Variants in DISC1 observed in about 807,000 individuals in gnomAD.
The protein encoded by DISC1 is disrupted in schizophrenia 1 protein.
Under a neutral mutation model 84.5 loss-of-function variants are expected in DISC1, and 57 were observed. The ratio of observed to expected loss-of-function variants is 0.67; its 90% CI spans 0.55 to 0.84. DISC1 has a LOEUF of 0.84. Among genes scored for constraint, DISC1 ranks in the 40% least tolerant of loss-of-function variants. DISC1 has a pLI of 0.00. For synonymous variants in DISC1, 411 were observed against 415.2 expected (o/e 0.99, Z 0.12); for missense variants, 1,000 against 1,057.8 (o/e 0.95, Z 0.76).
chr1:231,945,270 C>T (rs957274932), intron 9 of DISC1: 9 of 152,188 alleles, frequency 5.9e-5, no homozygotes, highest in Admixed American at 2.0e-4. Flanking sequence ...GTCTCTCAGA[C>T]CACAGTGCAA....
chr1:231,650,129 T>A (rs908894678), intron 1 of DISC1, among the ~76,000 whole-genome samples: 2 of 152,178 alleles, frequency 1.3e-5, no homozygotes, highest in African/African-American at 4.8e-5. Context: ...TTATTTTACC[T>A]GTTAGTTGAT....
chr1:231,775,221 C>T (rs2125487870), intron 6 of DISC1, among the ~76,000 whole-genome samples: 1 of 152,358 alleles, frequency 6.6e-6, no homozygotes, highest in South Asian at 2.1e-4. Context: ...AACTTTCTAA[C>T]ATGCAATTGC....
intron 9 of DISC1, among the ~76,000 whole-genome samples, chr1:231,936,492 A>G (rs950665619): frequency 6.6e-6 from 1 of 152,222 alleles, no homozygotes; most frequent in Non-Finnish European, 1.5e-5. Context: ...ACAGCATTGC[A>G]TTCTTCATTT....
chr1:231,871,522 GA>G (rs1386235863), intron 9 of DISC1, among the ~76,000 whole-genome samples: 1 of 152,220 alleles, frequency 6.6e-6, no homozygotes, highest in African/African-American at 2.4e-5. Flanking sequence ...AAGTGCAGTT[GA>G]ATTCAAACGA....
In DISC1 at chr1:231,881,411, G is replaced by A. The variant is rs527275797; in HGVS notation, c.1981+62894G>A. On this transcript the variant is annotated intron_variant, in intron 9 of 12. Transcript: ENST00000439617. ...TTGTAGGTGGCCGTCTTCTCCCTCT[G>A]TCTCTTCTCATGGTCTTCCCTCTGT... is the stretch of plus-strand genomic sequence containing the variant. Among the ~76,000 whole-genome samples the A allele has an allele frequency of 1.8e-4, 28 of 152,234 alleles. No individual in the cohort carries two copies. In the South Asian group the frequency reaches 5.6e-3, roughly 30 times the overall value.
At chr1:231,967,081 T>C (rs1196285915) in intron 10 of DISC1, among the ~76,000 whole-genome samples, 1 of 152,250 alleles carries the variant, frequency 6.6e-6, no homozygotes, top group Non-Finnish European at 1.5e-5. Flanking sequence ...TAAAAACTAA[T>C]GTTTACTTTT....
chr1:231,767,670 C>T (rs2076267348), intron 5 of DISC1, among the ~76,000 whole-genome samples: 1 of 152,160 alleles, frequency 6.6e-6, no homozygotes, highest in Non-Finnish European at 1.5e-5. Context: ...GCAATTAGAG[C>T]CTTGGCTGTC....
intron 9 of DISC1, among the ~76,000 whole-genome samples, chr1:231,935,432 G>T (rs1387433746): frequency 6.6e-6 from 1 of 152,186 alleles, no homozygotes; most frequent in Non-Finnish European, 1.5e-5. Context: ...TACACTGAAA[G>T]TTGGGAATGT....
intron 11 of DISC1, among the ~76,000 whole-genome samples, chr1:232,020,386 C>G (rs1271617855): frequency 6.6e-6 from 1 of 152,160 alleles, no homozygotes; most frequent in Non-Finnish European, 1.5e-5. Context: ...CTTCAAGCCT[C>G]TTTTCTTGTA....
chr1:231,717,750 C>T (rs1440842674), intron 3 of DISC1, among the ~76,000 whole-genome samples: 1 of 152,206 alleles, frequency 6.6e-6, no homozygotes, highest in African/African-American at 2.4e-5. Flanking sequence ...GACAATTCCA[C>T]AACCTCCTTA....
At chr1:231,928,687 G>A (rs2090487489) in intron 9 of DISC1, among the ~76,000 whole-genome samples, 1 of 152,064 alleles carries the variant, frequency 6.6e-6, no homozygotes, top group Non-Finnish European at 1.5e-5. Flanking sequence ...TTGTCCTGTG[G>A]GCATTTAGTG....
chr1:231,786,310 G>C (rs1031750052), intron 6 of DISC1, among the ~76,000 whole-genome samples: 2 of 152,258 alleles, frequency 1.3e-5, no homozygotes, highest in African/African-American at 4.8e-5. Flanking sequence ...TGGAGCCCCA[G>C]ATGAAAGTGA....
intron 10 of DISC1, chr1:231,959,115 G>T: frequency 8.1e-7 from 1 of 1,227,054 alleles, no homozygotes; most frequent in Non-Finnish European, 1.0e-6. Flanking sequence ...GTCTTGGAGA[G>T]ATCACAGGAG....
At chr1:231,756,432 T>G (rs1036606495) in intron 4 of DISC1, among the ~76,000 whole-genome samples, 1 of 152,194 alleles carries the variant, frequency 6.6e-6, no homozygotes, top group Non-Finnish European at 1.5e-5. Flanking sequence ...GCCCATAATC[T>G]GTATTCTATA....
chr1:231,980,723 T>C (rs776235899), intron 10 of DISC1, among the ~76,000 whole-genome samples: 5 of 152,140 alleles, frequency 3.3e-5, no homozygotes, highest in Non-Finnish European at 5.9e-5. Flanking sequence ...AACACTAATT[T>C]CTCTTTGCTC....
At chr1:231,901,631 T>C (rs1320854699) in intron 9 of DISC1, among the ~76,000 whole-genome samples, 1 of 152,204 alleles carries the variant, frequency 6.6e-6, no homozygotes, top group Non-Finnish European at 1.5e-5. Context: ...TGACAAATTG[T>C]GTGGTAGTTA....
At chr1:231,735,682 C>T (rs1264136462) in intron 3 of DISC1, among the ~76,000 whole-genome samples, 3 of 152,184 alleles carry the variant, frequency 2.0e-5, no homozygotes, top group South Asian at 2.1e-4. Context: ...ACCACTCTCT[C>T]GTGGGATCAT....
intron 9 of DISC1, among the ~76,000 whole-genome samples, chr1:231,896,633 A>T (rs189398420): frequency 3.3e-5 from 5 of 152,196 alleles, no homozygotes; most frequent in Admixed American, 3.3e-4. Context: ...TAGATGTTGT[A>T]TAAGTGGCTC....
intron 9 of DISC1, among the ~76,000 whole-genome samples, chr1:231,874,699 C>T (rs921751630): frequency 2.0e-5 from 3 of 151,712 alleles, no homozygotes; most frequent in African/African-American, 7.3e-5. Flanking sequence ...ATCACGAGGT[C>T]AGGAGATCGA....
Sources: allele counts gnomAD v4.1 joint callset (sites outside exome capture counted in the v4.1 genomes callset), GRCh38; gene constraint gnomAD v4.1.1; transcripts MANE v1.5; gene names NCBI Gene and HGNC (gene_info 2026-07-23, HGNC 2026-07-21).